Variants in OXR1 observed in about 807,000 individuals in gnomAD.
The protein encoded by OXR1 is oxidation resistance 1, also known as oxidation resistance protein 1.
In OXR1, 41 loss-of-function variants were observed where a neutral mutation model predicts 104.6. That is an observed-to-expected ratio of 0.39 (90% CI 0.31 to 0.51). OXR1 has a LOEUF of 0.51. Among genes scored for constraint, OXR1 ranks in the 20% least tolerant of loss-of-function variants. The pLI is 0.77. For synonymous variants in OXR1, 348 were observed against 348.4 expected, an observed-to-expected ratio of 1.00 and a Z score of 0.01; for missense variants, 955 against 1,031.9, an observed-to-expected ratio of 0.93 and a Z score of 1.02.
At chr8:106,294,878 C>T (rs1186533813) in intron 1 of OXR1, among the ~76,000 whole-genome samples, 1 of 152,164 alleles carries the variant, frequency 6.6e-6, no homozygotes, top group Non-Finnish European at 1.5e-5. Flanking sequence ...CCTTTCATAT[C>T]TTTTAACCAT....
chr8:106,466,527 CA>C (rs973257852), intron 2 of OXR1, among the ~76,000 whole-genome samples: 7 of 151,688 alleles, frequency 4.6e-5, no homozygotes, highest in African/African-American at 2.4e-5. Context: ...GCTCTCAATT[CA>C]AAAATTTACA....
At chr8:106,375,305 T>C (rs557735890) in intron 2 of OXR1, among the ~76,000 whole-genome samples, 14 of 152,290 alleles carry the variant, frequency 9.2e-5, no homozygotes, top group Non-Finnish European at 1.2e-4. Flanking sequence ...GCAAAAGTAA[T>C]TGTGGTTTTT....
chr8:106,359,338 CT>C (rs1289781031), intron 1 of OXR1, 137 bp from the exon 2 acceptor site: 2 of 354,678 alleles, frequency 5.6e-6, no homozygotes, highest in Non-Finnish European at 1.0e-5. Flanking sequence ...TATTACATGT[CT>C]TATATTTTAA....
At chr8:106,661,591 TAATA>T (rs1319665892) in intron 3 of OXR1, among the ~76,000 whole-genome samples, 2 of 152,224 alleles carry the variant, frequency 1.3e-5, no homozygotes, top group Non-Finnish European at 2.9e-5. Flanking sequence ...GATTATATTG[TAATA>T]AATATAGATA....
At chr8:106,339,511 A>T (rs1815119004) in intron 1 of OXR1, among the ~76,000 whole-genome samples, 1 of 43,082 alleles carries the variant, frequency 2.3e-5, no homozygotes, top group African/African-American at 1.5e-4. Context: ...AAAAAAAAAA[A>T]AAAAAAAAAT....
chr8:106,694,756 A>G (rs1274750872), intron 7 of OXR1, among the ~76,000 whole-genome samples: 2 of 109,754 alleles, frequency 1.8e-5, no homozygotes, highest in Non-Finnish European at 3.4e-5. Flanking sequence ...ATATATTAAT[A>G]TATATATTTA....
At chr8:106,503,446 T>C (rs141370481) in intron 2 of OXR1, among the ~76,000 whole-genome samples, 3 of 152,136 alleles carry the variant, frequency 2.0e-5, no homozygotes, top group African/African-American at 7.2e-5. Flanking sequence ...TACAACAGTG[T>C]GGAGATTAGA....
At chr8:106,385,838 T>A (rs1817349350) in intron 2 of OXR1, among the ~76,000 whole-genome samples, 1 of 152,186 alleles carries the variant, frequency 6.6e-6, no homozygotes, top group Non-Finnish European at 1.5e-5. Context: ...ATATCCACCC[T>A]GCTCCCATTC....
At chr8:106,348,800 GA>G (rs1381864903) in intron 1 of OXR1, among the ~76,000 whole-genome samples, 2 of 152,106 alleles carry the variant, frequency 1.3e-5, no homozygotes, top group Non-Finnish European at 1.5e-5. Flanking sequence ...CTTCAGCAGA[GA>G]GTGGAAACAA....
intron 1 of OXR1, among the ~76,000 whole-genome samples, chr8:106,356,121 T>C (rs1304673555): frequency 6.6e-6 from 1 of 152,198 alleles, no homozygotes; most frequent in African/African-American, 2.4e-5. Context: ...TGTTTACTAA[T>C]TGGCACTTAT....
chr8:106,507,838 G>A (rs1159208906), intron 2 of OXR1, among the ~76,000 whole-genome samples: 1 of 152,172 alleles, frequency 6.6e-6, no homozygotes, highest in African/African-American at 2.4e-5. Flanking sequence ...AAATAGAAAT[G>A]TTCTTCCTTT....
At chr8:106,668,528 T>C (rs1242173464) in intron 3 of OXR1, among the ~76,000 whole-genome samples, 1 of 152,200 alleles carries the variant, frequency 6.6e-6, no homozygotes, top group Non-Finnish European at 1.5e-5. Context: ...ATATGGAAGA[T>C]CTCTGGTTTT....
chr8:106,659,963 A>G (rs776272724), intron 3 of OXR1, among the ~76,000 whole-genome samples: 7 of 152,234 alleles, frequency 4.6e-5, no homozygotes, highest in Non-Finnish European at 5.9e-5. Context: ...GTGCCCCCAA[A>G]TCTCTGACAC....
chr8:106,690,609 C>A, intron 6 of OXR1, among the ~76,000 whole-genome samples: 1 of 147,750 alleles, frequency 6.8e-6, no homozygotes, highest in Admixed American at 6.8e-5. Context: ...CAGATGGAAA[C>A]ATTATTTCCA....
At chr8:106,662,926 C>G (rs1825914969) in intron 3 of OXR1, among the ~76,000 whole-genome samples, 1 of 151,952 alleles carries the variant, frequency 6.6e-6, no homozygotes, top group Non-Finnish European at 1.5e-5. Context: ...CATCCCAAAT[C>G]AGAAAGTCCA....
chr8:106,675,914 G>A (rs941848285), intron 3 of OXR1, among the ~76,000 whole-genome samples: 2 of 151,986 alleles, frequency 1.3e-5, no homozygotes, highest in Non-Finnish European at 2.9e-5. Flanking sequence ...TTATCGTTTG[G>A]GAGTATAAGT....
intron 2 of OXR1, among the ~76,000 whole-genome samples, chr8:106,495,956 A>T (rs1443167141): frequency 6.6e-6 from 1 of 152,166 alleles, no homozygotes; most frequent in East Asian, 1.9e-4. Flanking sequence ...TATTCACTGT[A>T]GATTTATAGT....
chr8:106,551,522 A>G (rs1305091652), intron 3 of OXR1, among the ~76,000 whole-genome samples: 1 of 152,166 alleles, frequency 6.6e-6, no homozygotes, highest in Non-Finnish European at 1.5e-5. Flanking sequence ...TGTGATAACA[A>G]TTCAGTTTCA....
chr8:106,347,074 T>G (rs888420215), intron 1 of OXR1, among the ~76,000 whole-genome samples: 4 of 152,094 alleles, frequency 2.6e-5, no homozygotes, highest in Admixed American at 2.0e-4. Context: ...GGAAGCTCTT[T>G]GGTGTTCGAT....
Sources: gnomAD v4.1 joint callset for allele counts (sites outside exome capture counted in the v4.1 genomes callset) on GRCh38, gnomAD v4.1.1 for gene constraint, MANE v1.5 for transcripts, NCBI Gene and HGNC (gene_info 2026-07-23, HGNC 2026-07-21) for gene names.